CLSTN2: variants seen among roughly 807,000 people sequenced by gnomAD.
CLSTN2 encodes calsyntenin 2.
A neutral mutation model predicts 101.2 loss-of-function variants in CLSTN2; 48 were observed. The ratio of observed to expected loss-of-function variants is 0.47; its 90% CI spans 0.38 to 0.60. CLSTN2 has a LOEUF of 0.60. Among genes scored for constraint, CLSTN2 ranks in the 20% least tolerant of loss-of-function variants. The pLI is 0.00. For missense variants in CLSTN2, 1,160 were observed against 1,238.2 expected (o/e 0.94, Z 0.95); for synonymous variants, 481 against 463.6 (o/e 1.04, Z -0.48).
chr3:140,026,677 CTGAG>C (rs2007429272), intron 1 of CLSTN2, among the ~76,000 whole-genome samples: 1 of 152,196 alleles, frequency 6.6e-6, no homozygotes, highest in African/African-American at 2.4e-5. Context: ...GAATGGCTGA[CTGAG>C]TGTGATATCT....
intron 4 of CLSTN2, among the ~76,000 whole-genome samples, chr3:140,413,601 G>T (rs2088391257): frequency 6.6e-6 from 1 of 152,092 alleles, no homozygotes; most frequent in South Asian, 2.1e-4. Flanking sequence ...TTCAAGAAAA[G>T]AAAATTACAG....
At chr3:140,450,135 A>C (rs2162652) in intron 6 of CLSTN2, 43,168 of 152,028 alleles carry the variant, frequency 0.28, 7,141 homozygotes, top group East Asian at 0.46. Context: ...TTATTTAGTT[A>C]TCCCATCTTC....
rs1389513983 is a variant in CLSTN2 at position 140,571,247 on chromosome 3, T to C, written c.*4994T>C. The C allele has an allele frequency of 2.0e-5, 3 of 152,234 alleles. No individual in the cohort carries two copies. The highest frequency in any genetic ancestry group is 2.0e-4 in the Admixed American group (3 of 15,278). 9.4% of individuals were successfully genotyped at this position (152,234 alleles called of 1,614,324 possible). ...AAAAATGATCCTAAAGACTTGTGAC[T>C]GTTTGAATCAATAGCAACATCATCA... On this transcript the variant is annotated 3_prime_UTR_variant, in exon 17 of 17. Transcript: ENST00000458420.
chr3:140,298,049 T>G (rs937246804), intron 2 of CLSTN2, among the ~76,000 whole-genome samples: 3 of 152,252 alleles, frequency 2.0e-5, no homozygotes, highest in Non-Finnish European at 2.9e-5. Context: ...ATTCATTCAC[T>G]CAAGTCAACA....
rs894544347 is a variant in CLSTN2 at position 139,935,644 on chromosome 3, G to C, written c.109+161G>C. Among the ~76,000 whole-genome samples, 2 of 152,170 alleles carry C rather than the reference G, an allele frequency of 1.3e-5. No homozygotes were observed. The highest frequency in any genetic ancestry group is 4.8e-5 in the African/African-American group (2 of 41,432). ...TGGATTCCCGAAGTCAGTTCCCTGC[G>C]CAGCGGACCAGAGAGGTCCACCCGC... On this transcript the variant is annotated intron_variant, in intron 1 of 16. Coordinates refer to ENST00000458420, the MANE Select transcript of CLSTN2 (RefSeq NM_022131.3). The surrounding 1 kb of genome is among the most constrained non-coding windows in gnomAD (Gnocchi z 5.5).
At chr3:140,544,239 G>A (rs1935542473) in intron 9 of CLSTN2, among the ~76,000 whole-genome samples, 1 of 152,234 alleles carries the variant, frequency 6.6e-6, no homozygotes, top group Admixed American at 6.5e-5. Context: ...GCAGCACTCA[G>A]CCCCTAACAC....
chr3:140,423,240 G>A (rs569696173), intron 5 of CLSTN2, among the ~76,000 whole-genome samples: 2 of 152,284 alleles, frequency 1.3e-5, no homozygotes, highest in South Asian at 2.1e-4. Flanking sequence ...TTAACTCTAC[G>A]AGTGAAGAAT....
chr3:140,216,445 G>A (rs986639385), intron 2 of CLSTN2, among the ~76,000 whole-genome samples: 1 of 152,270 alleles, frequency 6.6e-6, no homozygotes, highest in Admixed American at 6.5e-5. Flanking sequence ...CTCTGCTGGA[G>A]GGCAGAGGAA....
intron 2 of CLSTN2, among the ~76,000 whole-genome samples, chr3:140,211,804 C>A (rs935080545): frequency 5.9e-5 from 9 of 151,992 alleles, no homozygotes; most frequent in Admixed American, 5.9e-4. Context: ...TCCAGTGAAT[C>A]AGTAAAAGAT....
intron 2 of CLSTN2, among the ~76,000 whole-genome samples, chr3:140,179,620 CAAAAAAAAA>C (rs57433306): frequency 2.7e-5 from 1 of 37,458 alleles, no homozygotes; most frequent in Admixed American, 5.5e-4. Context: ...GACCCTATCT[CAAAAAAAAA>C]AAAAAAAAAA....
chr3:139,938,133 C>A (rs1453359184), intron 1 of CLSTN2, among the ~76,000 whole-genome samples: 1 of 135,844 alleles, frequency 7.4e-6, no homozygotes. Flanking sequence ...CATTGTTATT[C>A]CCATCACAAA....
At chr3:140,333,372 A>G (rs1288737823) in intron 2 of CLSTN2, among the ~76,000 whole-genome samples, 1 of 152,118 alleles carries the variant, frequency 6.6e-6, no homozygotes, top group East Asian at 1.9e-4. Context: ...CTCTCTGTAA[A>G]AGGGATGAGT....
At chr3:140,001,301 A>C (rs927207090) in intron 1 of CLSTN2, among the ~76,000 whole-genome samples, 1 of 151,784 alleles carries the variant, frequency 6.6e-6, no homozygotes, top group Non-Finnish European at 1.5e-5. Context: ...TAGCATTGCT[A>C]TCTACTAATC....
chr3:140,396,827 A>T (rs1345009803), intron 2 of CLSTN2, among the ~76,000 whole-genome samples: 2 of 152,240 alleles, frequency 1.3e-5, no homozygotes, highest in African/African-American at 2.4e-5. Context: ...GTGATGGGTC[A>T]TGTTTTTAGC....
chr3:140,533,925 T>C (rs1017694178), intron 9 of CLSTN2, among the ~76,000 whole-genome samples: 12 of 152,016 alleles, frequency 7.9e-5, no homozygotes, highest in Admixed American at 4.6e-4. Flanking sequence ...CAAGAGAAAG[T>C]GTTCTTGAGC....
At chr3:140,120,924 C>G (rs536039475) in intron 1 of CLSTN2, among the ~76,000 whole-genome samples, 2 of 152,308 alleles carry the variant, frequency 1.3e-5, no homozygotes, top group South Asian at 4.1e-4. Context: ...CAGGTACACA[C>G]ACATTTTCAA....
chr3:140,207,156 G>A (rs557592663), intron 2 of CLSTN2, among the ~76,000 whole-genome samples: 1 of 152,104 alleles, frequency 6.6e-6, no homozygotes, highest in South Asian at 2.1e-4. Flanking sequence ...CCAGCTTCTG[G>A]GGTGTTTGCA....
chr3:140,409,685 C>T (rs4683495), intron 4 of CLSTN2, among the ~76,000 whole-genome samples: 61,243 of 151,916 alleles, frequency 0.4, 14,764 homozygotes, highest in South Asian at 0.61. Context: ...ACACAATATA[C>T]TGTCAGTAAG....
At chr3:140,562,412 C>T (rs1267096717) in intron 13 of CLSTN2, 104 bp downstream of exon 13, 2 of 1,124,258 alleles carry the variant, frequency 1.8e-6, no homozygotes, top group East Asian at 4.9e-5. Flanking sequence ...CACTGTGAAG[C>T]CCCAGGGACC....
Sources: allele counts gnomAD v4.1 joint callset (sites outside exome capture counted in the v4.1 genomes callset), GRCh38; gene constraint gnomAD v4.1.1; non-coding constraint Gnocchi (gnomAD v3.1); transcripts MANE v1.5; gene names NCBI Gene and HGNC (gene_info 2026-07-23, HGNC 2026-07-21).